Variants in GRID1 observed in about 807,000 individuals in gnomAD.
The protein encoded by GRID1 is glutamate receptor ionotropic, delta-1.
In GRID1, 28 loss-of-function variants were observed where a neutral mutation model predicts 98.0. The observed-to-expected ratio is 0.29, with a 90% CI of 0.21 to 0.39. The LOEUF (loss-of-function observed/expected upper bound fraction) is 0.39. Ranked by LOEUF, GRID1 falls within the 10% of genes least tolerant of loss-of-function variation. The pLI is 1.00. For synonymous variants in GRID1, 553 were observed against 538.5 expected (o/e 1.03, Z -0.37); for missense variants, 1,111 against 1,340.5 (o/e 0.83, Z 2.67).
At chr10:85,954,835 C>T (rs748283133) in intron 4 of GRID1, among the ~76,000 whole-genome samples, 2 of 152,170 alleles carry the variant, frequency 1.3e-5, no homozygotes, top group Non-Finnish European at 2.9e-5. Context: ...GAAGAAGTCA[C>T]TTAATCCCTC....
At chr10:85,912,924 A>C (rs1302937142) in intron 5 of GRID1, among the ~76,000 whole-genome samples, 4 of 152,224 alleles carry the variant, frequency 2.6e-5, no homozygotes, top group South Asian at 4.1e-4. Context: ...AGCAAAGCCT[A>C]AAATGATATC....
At chr10:86,185,755 T>C (rs1294104799) in intron 3 of GRID1, among the ~76,000 whole-genome samples, 1 of 152,196 alleles carries the variant, frequency 6.6e-6, no homozygotes, top group Non-Finnish European at 1.5e-5. Context: ...GTGAATTACG[T>C]CACTTGATTT....
At chr10:85,679,147 G>A (rs1841178894) in intron 12 of GRID1, among the ~76,000 whole-genome samples, 1 of 152,138 alleles carries the variant, frequency 6.6e-6, no homozygotes. Flanking sequence ...CAGAGTTTCA[G>A]AAGCCTCCAG....
intron 12 of GRID1, among the ~76,000 whole-genome samples, chr10:85,710,419 T>C (rs1016463413): frequency 2.0e-5 from 3 of 152,104 alleles, no homozygotes; most frequent in African/African-American, 4.8e-5. Context: ...GATATCCACA[T>C]GCAGAAAAAT....
intron 12 of GRID1, among the ~76,000 whole-genome samples, chr10:85,693,095 G>T (rs1442471067): frequency 1.3e-5 from 2 of 152,080 alleles, no homozygotes; most frequent in African/African-American, 4.8e-5. Context: ...AAAGAGGAGA[G>T]AAAAAGGTAA....
At chr10:85,906,863 TAAGG>T (rs1841468109) in intron 5 of GRID1, among the ~76,000 whole-genome samples, 1 of 150,690 alleles carries the variant, frequency 6.6e-6, no homozygotes, top group Admixed American at 6.6e-5. Flanking sequence ...AAAAAGAAAA[TAAGG>T]AAGACAAAAC....
intron 3 of GRID1, among the ~76,000 whole-genome samples, chr10:86,147,621 G>C (rs1393871211): frequency 6.6e-6 from 1 of 152,170 alleles, no homozygotes; most frequent in East Asian, 1.9e-4. Flanking sequence ...GTGGAGCTGG[G>C]GTAACTGGCT....
intron 13 of GRID1, among the ~76,000 whole-genome samples, chr10:85,643,072 A>C (rs1590171628): frequency 6.6e-6 from 1 of 152,010 alleles, no homozygotes; most frequent in Non-Finnish European, 1.5e-5. Context: ...AAGCCTTAGG[A>C]CTCCCAAGGA....
At chr10:86,282,857 G>A (rs1847375818) in intron 2 of GRID1, among the ~76,000 whole-genome samples, 1 of 152,058 alleles carries the variant, frequency 6.6e-6, no homozygotes, top group Non-Finnish European at 1.5e-5. Context: ...AACCCTCCAA[G>A]AGTCATGTCT....
At chr10:85,697,339 A>G (rs1487960036) in intron 12 of GRID1, among the ~76,000 whole-genome samples, 1 of 152,030 alleles carries the variant, frequency 6.6e-6, no homozygotes, top group East Asian at 1.9e-4. Context: ...CTCTCTGGTG[A>G]ATTTGTTCCT....
At chr10:86,086,061 T>C (rs557041439) in intron 4 of GRID1, among the ~76,000 whole-genome samples, 1 of 152,188 alleles carries the variant, frequency 6.6e-6, no homozygotes, top group Non-Finnish European at 1.5e-5. Context: ...CTGTTCCCCA[T>C]GTCCCCAGGG....
chr10:85,805,049 T>G (rs1234968633), intron 8 of GRID1, among the ~76,000 whole-genome samples: 2 of 151,502 alleles, frequency 1.3e-5, no homozygotes, highest in Admixed American at 1.3e-4. Context: ...TTTGGTCATA[T>G]ATCTAAAAAA....
At chr10:86,336,541 C>T (rs1848223817) in intron 2 of GRID1, among the ~76,000 whole-genome samples, 1 of 152,226 alleles carries the variant, frequency 6.6e-6, no homozygotes, top group African/African-American at 2.4e-5. Flanking sequence ...ACAATTAACG[C>T]TGTTTCCCAC....
intron 8 of GRID1, among the ~76,000 whole-genome samples, chr10:85,749,711 T>C (rs1842028531): frequency 6.6e-6 from 1 of 152,214 alleles, no homozygotes; most frequent in Non-Finnish European, 1.5e-5. Context: ...GCCCACTTTC[T>C]GTTCCTCAGA....
At chr10:86,094,932 C>G (rs1426467914) in intron 4 of GRID1, among the ~76,000 whole-genome samples, 5 of 152,078 alleles carry the variant, frequency 3.3e-5, no homozygotes, top group Non-Finnish European at 5.9e-5. Flanking sequence ...ATCACATTAC[C>G]TGATTTCAAA....
intron 15 of GRID1, among the ~76,000 whole-genome samples, chr10:85,612,048 C>T (rs890822930): frequency 2.6e-5 from 4 of 152,190 alleles, no homozygotes; most frequent in Admixed American, 6.5e-5. Flanking sequence ...CAGATATCCC[C>T]GAACATTGCA....
intron 8 of GRID1, among the ~76,000 whole-genome samples, chr10:85,774,026 A>G (rs1842301847): frequency 6.6e-6 from 1 of 152,220 alleles, no homozygotes; most frequent in Admixed American, 6.5e-5. Flanking sequence ...AGTCAATCCT[A>G]AGCCAAAAGA....
At chr10:86,176,273 A>G (rs1845574070) in intron 3 of GRID1, among the ~76,000 whole-genome samples, 1 of 152,234 alleles carries the variant, frequency 6.6e-6, no homozygotes, top group African/African-American at 2.4e-5. Context: ...AAGCAAATGA[A>G]TAATAGCACA....
chr10:85,815,888 T>G (rs1842711799), intron 8 of GRID1, among the ~76,000 whole-genome samples: 1 of 151,724 alleles, frequency 6.6e-6, no homozygotes, highest in South Asian at 2.1e-4. Context: ...GCAAAACAAC[T>G]CCTTTTTTGT....
Sources: allele counts gnomAD v4.1 joint callset (sites outside exome capture counted in the v4.1 genomes callset), GRCh38; gene constraint gnomAD v4.1.1; transcripts MANE v1.5; gene names NCBI Gene and HGNC (gene_info 2026-07-23, HGNC 2026-07-21).